The following CCSER1 variants were observed in gnomAD, a reference collection of about 807,000 sequenced individuals.
CCSER1 encodes serine-rich coiled-coil domain-containing protein 1.
Under a neutral mutation model 82.0 loss-of-function variants are expected in CCSER1, and 41 were observed. The ratio of observed to expected loss-of-function variants is 0.50; its 90% CI spans 0.39 to 0.65. The LOEUF (loss-of-function observed/expected upper bound fraction) is 0.65. Ranked by LOEUF, CCSER1 falls within the 30% of genes least tolerant of loss-of-function variation. The probability of loss-of-function intolerance (pLI) is 0.00; values close to 1 mark genes in which losing one functional copy is unlikely to be tolerated. For synonymous variants in CCSER1, 414 were observed against 383.9 expected (o/e 1.08, Z -0.92); for missense variants, 1,119 against 1,064.2 (o/e 1.05, Z -0.72).
At chr4:91,093,574 A>G (rs915166481) in intron 10 of CCSER1, among the ~76,000 whole-genome samples, 3 of 152,200 alleles carry the variant, frequency 2.0e-5, no homozygotes, top group African/African-American at 7.2e-5. Context: ...ACAGGACTGT[A>G]GCTGCCAGGG....
Position 91,604,985 on chromosome 4 carries a change from A to G in CCSER1, c.*5928A>G, listed in dbSNP as rs970689313. 1 of 151,970 alleles carries G rather than the reference A, an allele frequency of 6.6e-6. No individual in the cohort carries two copies. Among genetic ancestry groups the G allele is most frequent in the Non-Finnish European group, 1.5e-5 (1 of 67,926 alleles). The allele number at this position is 151,970 out of a possible 1,614,324, so 9.4% of individuals were successfully genotyped here. On this transcript the variant is annotated 3_prime_UTR_variant, in exon 11 of 11. Coordinates refer to ENST00000509176, the MANE Select transcript of CCSER1 (RefSeq NM_001145065.2). ...GGAAAAAATACACCCTGTATGATAC[A>G]TTCTTAGATATATGGGTTTGAGATT... is the stretch of plus-strand genomic sequence containing the variant.
intron 1 of CCSER1, among the ~76,000 whole-genome samples, chr4:90,148,850 G>A (rs945945050): frequency 3.9e-5 from 6 of 151,904 alleles, no homozygotes; most frequent in African/African-American, 1.5e-4. Flanking sequence ...ATACCTATAC[G>A]TCTACTTTCC....
chr4:91,329,333 A>G (rs1240047636), intron 10 of CCSER1, among the ~76,000 whole-genome samples: 1 of 152,164 alleles, frequency 6.6e-6, no homozygotes, highest in Non-Finnish European at 1.5e-5. Context: ...CTGTGTGTTA[A>G]TTTTCTTTTA....
At chr4:90,251,517 A>G (rs1311969149) in intron 1 of CCSER1, among the ~76,000 whole-genome samples, 9 of 151,842 alleles carry the variant, frequency 5.9e-5, no homozygotes, top group Admixed American at 5.3e-4. Context: ...TTGATATGGT[A>G]TATTATATTG....
intron 10 of CCSER1, among the ~76,000 whole-genome samples, chr4:91,125,748 AC>A (rs1289450807): frequency 1.3e-5 from 2 of 151,686 alleles, no homozygotes; most frequent in African/African-American, 4.8e-5. Flanking sequence ...CAACTTTAAC[AC>A]CGAAAAAAAT....
At chr4:91,389,349 A>G (rs1028428081) in intron 10 of CCSER1, among the ~76,000 whole-genome samples, 2 of 151,852 alleles carry the variant, frequency 1.3e-5, no homozygotes, top group African/African-American at 4.8e-5. Context: ...GTTCCATTGT[A>G]TTGCCACTGC....
intron 8 of CCSER1, among the ~76,000 whole-genome samples, chr4:90,914,611 A>G (rs900222238): frequency 6.6e-6 from 1 of 152,068 alleles, no homozygotes. Context: ...AAACACATTC[A>G]AAGCGAGCAG....
At chr4:90,489,554 G>A (rs1031547995) in intron 5 of CCSER1, among the ~76,000 whole-genome samples, 2 of 151,962 alleles carry the variant, frequency 1.3e-5, no homozygotes, top group African/African-American at 4.8e-5. Flanking sequence ...AAGTGCTAGG[G>A]TACATGTGCA....
intron 8 of CCSER1, among the ~76,000 whole-genome samples, chr4:90,904,257 T>A (rs1725112558): frequency 6.6e-6 from 1 of 152,130 alleles, no homozygotes; most frequent in African/African-American, 2.4e-5. Flanking sequence ...CAATACCAAC[T>A]GTAATTAACA....
chr4:91,417,883 G>C (rs1200070760), intron 10 of CCSER1, among the ~76,000 whole-genome samples: 1 of 151,778 alleles, frequency 6.6e-6, no homozygotes, highest in African/African-American at 2.4e-5. Context: ...TATTCTCTAG[G>C]ATAGAGCATA....
chr4:90,488,713 G>T (rs1052280405), intron 5 of CCSER1, among the ~76,000 whole-genome samples: 2 of 152,122 alleles, frequency 1.3e-5, no homozygotes, highest in African/African-American at 4.8e-5. Flanking sequence ...TGTTTGAAAG[G>T]TACAAAATAG....
At chr4:90,421,739 T>C (rs1464244212) in intron 4 of CCSER1, among the ~76,000 whole-genome samples, 2 of 152,142 alleles carry the variant, frequency 1.3e-5, no homozygotes, top group African/African-American at 2.4e-5. Flanking sequence ...TTTAGAGTTG[T>C]AGGATTGGCG....
intron 1 of CCSER1, among the ~76,000 whole-genome samples, chr4:90,292,813 T>A (rs1731165415): frequency 6.6e-6 from 1 of 151,990 alleles, no homozygotes; most frequent in Non-Finnish European, 1.5e-5. Flanking sequence ...GATTCCATAT[T>A]ACTGCCTATA....
chr4:91,054,113 C>G (rs778315173), intron 9 of CCSER1, among the ~76,000 whole-genome samples: 6 of 152,146 alleles, frequency 3.9e-5, no homozygotes, highest in African/African-American at 9.7e-5. Flanking sequence ...TGAGAGGTTG[C>G]CCTCAGACTT....
intron 10 of CCSER1, among the ~76,000 whole-genome samples, chr4:91,482,795 G>T (rs1758009729): frequency 6.6e-6 from 1 of 152,090 alleles, no homozygotes; most frequent in Non-Finnish European, 1.5e-5. Context: ...TCCTTTGTAG[G>T]GACATGGATG....
intron 1 of CCSER1, among the ~76,000 whole-genome samples, chr4:90,136,213 G>A (rs1458923675): frequency 2.0e-5 from 3 of 152,104 alleles, no homozygotes; most frequent in Non-Finnish European, 2.9e-5. Context: ...TTAGCTGGGT[G>A]TGGTGGAGCA....
intron 6 of CCSER1, among the ~76,000 whole-genome samples, chr4:90,661,806 A>G (rs146921592): frequency 9.3e-4 from 142 of 152,282 alleles, no homozygotes; most frequent in African/African-American, 3.3e-3. Context: ...GTAACATGAA[A>G]TTAAAGAAAT....
chr4:91,198,185 C>T (rs1028161233), intron 10 of CCSER1, among the ~76,000 whole-genome samples: 1 of 151,834 alleles, frequency 6.6e-6, no homozygotes, highest in East Asian at 1.9e-4. Context: ...CATTACTTTC[C>T]TTTCTTAAGC....
intron 10 of CCSER1, among the ~76,000 whole-genome samples, chr4:91,360,550 G>A (rs570149406): frequency 6.6e-6 from 1 of 151,850 alleles, no homozygotes; most frequent in East Asian, 1.9e-4. Flanking sequence ...CCTAGTAAGA[G>A]ACCCATCTCT....
Sources: allele counts gnomAD v4.1 joint callset (sites outside exome capture counted in the v4.1 genomes callset), GRCh38; gene constraint gnomAD v4.1.1; transcripts MANE v1.5; gene names NCBI Gene and HGNC (gene_info 2026-07-23, HGNC 2026-07-21).